The following KAZN variants were observed in gnomAD, a reference collection of about 807,000 sequenced individuals.
KAZN encodes kazrin.
Under a neutral mutation model 87.4 loss-of-function variants are expected in KAZN, and 40 were observed. The ratio of observed to expected loss-of-function variants is 0.46; its 90% confidence interval spans 0.36 to 0.60. KAZN has a LOEUF of 0.60. Among genes scored for constraint, KAZN ranks in the 20% least tolerant of loss-of-function variants. KAZN has a pLI of 0.00. For missense variants in KAZN, 898 were observed against 1,073.9 expected (o/e 0.84, Z 2.29); for synonymous variants, 466 against 458.3 (o/e 1.02, Z -0.22).
chr1:14,157,490 G>T (rs1043377036), intron 1 of KAZN, among the ~76,000 whole-genome samples: 3 of 152,136 alleles, frequency 2.0e-5, no homozygotes, highest in Non-Finnish European at 4.4e-5. Context: ...GGATATTTTT[G>T]CTGGATATAC....
chr1:14,688,164 C>A (rs1641068176), intron 1 of KAZN, among the ~76,000 whole-genome samples: 1 of 152,236 alleles, frequency 6.6e-6, no homozygotes, highest in Non-Finnish European at 1.5e-5. Flanking sequence ...AGCCTCTGGG[C>A]ACAACAGAGC....
chr1:14,459,451 T>C (rs1667745246), intron 2 of KAZN, among the ~76,000 whole-genome samples: 1 of 152,056 alleles, frequency 6.6e-6, no homozygotes, highest in African/African-American at 2.4e-5. Flanking sequence ...CCAATCAGAT[T>C]AACGTGGGGT....
At chr1:14,283,148 C>T (rs1267445141) in intron 2 of KAZN, among the ~76,000 whole-genome samples, 2 of 152,162 alleles carry the variant, frequency 1.3e-5, no homozygotes, top group African/African-American at 4.8e-5. Context: ...TTTCCACTTT[C>T]GCAGACTATT....
At chr1:14,715,551 G>A (rs563825048) in intron 1 of KAZN, among the ~76,000 whole-genome samples, 8 of 152,282 alleles carry the variant, frequency 5.3e-5, no homozygotes, top group Middle Eastern at 3.4e-3. Context: ...AACAGGCTGC[G>A]TGTGTAGCTT....
Position 15,114,524 on chromosome 1 carries a change from T to C in KAZN, c.2217T>C (p.His739=). ...RGFSSKDPDF[H]DDYGSLQNED... is the part of the protein sequence containing the mutation. ...TCAGCAGCAAAGATCCCGATTTCCA[T>C]GATGACTATGGCTCTCTTCAAAACG... The change falls in exon 15 of 15, where the codon CAT becomes CAC. Residue 739 remains histidine (H), a synonymous_variant. Transcript: ENST00000376030. 2 of 1,612,088 alleles carry C rather than the reference T, an allele frequency of 1.2e-6. No individual in the cohort carries two copies. Among genetic ancestry groups the C allele is most frequent in the Non-Finnish European group, 1.7e-6 (2 of 1,179,188 alleles).
intron 1 of KAZN, among the ~76,000 whole-genome samples, chr1:14,762,879 T>A (rs1644781671): frequency 2.7e-5 from 4 of 149,302 alleles, no homozygotes; most frequent in Admixed American, 6.6e-5. Context: ...ATAATAATAA[T>A]ACCTACTTCT....
chr1:14,226,555 A>G (rs1205118968), intron 2 of KAZN, among the ~76,000 whole-genome samples: 1 of 152,216 alleles, frequency 6.6e-6, no homozygotes, highest in Non-Finnish European at 1.5e-5. Context: ...TACTGGGTAT[A>G]CAGCCAAAGG....
At chr1:14,264,910 G>T (rs1651353928) in intron 2 of KAZN, among the ~76,000 whole-genome samples, 1 of 152,176 alleles carries the variant, frequency 6.6e-6, no homozygotes, top group African/African-American at 2.4e-5. Context: ...TGTAACCTTT[G>T]TTACATCTGC....
chr1:14,040,591 A>G (rs920057912), intron 1 of KAZN, among the ~76,000 whole-genome samples: 4 of 151,986 alleles, frequency 2.6e-5, no homozygotes, highest in African/African-American at 9.7e-5. Flanking sequence ...GTGAAACCCC[A>G]TCTCTACTAG....
chr1:14,052,524 AG>A (rs1281657204), intron 1 of KAZN, among the ~76,000 whole-genome samples: 1 of 150,760 alleles, frequency 6.6e-6, no homozygotes, highest in Non-Finnish European at 1.5e-5. Context: ...AAAGAAGGAC[AG>A]GGTGTGGGGT....
intron 2 of KAZN, among the ~76,000 whole-genome samples, chr1:14,570,785 C>T (rs1278385944): frequency 2.0e-5 from 3 of 152,146 alleles, no homozygotes; most frequent in Admixed American, 1.3e-4. Flanking sequence ...TTATGCTTAA[C>T]ATCTTGAGAA....
At chr1:14,905,066 T>G (rs917256500) in intron 1 of KAZN, among the ~76,000 whole-genome samples, 1 of 152,064 alleles carries the variant, frequency 6.6e-6, no homozygotes, top group Non-Finnish European at 1.5e-5. Context: ...CAGCCTTGTT[T>G]TTGTTTTTTT....
At chr1:14,577,652 T>A (rs1165795992) in intron 2 of KAZN, among the ~76,000 whole-genome samples, 7 of 152,206 alleles carry the variant, frequency 4.6e-5, no homozygotes, top group Non-Finnish European at 1.0e-4. Flanking sequence ...TGAACAAAGC[T>A]GGTTATAGTC....
At chr1:14,505,994 T>G (rs1670566255) in intron 2 of KAZN, among the ~76,000 whole-genome samples, 1 of 150,964 alleles carries the variant, frequency 6.6e-6, no homozygotes, top group Admixed American at 6.6e-5. Flanking sequence ...GTTCTGGAGG[T>G]GAATGGTGGT....
Position 14,530,119 on chromosome 1 carries a change from A to G in KAZN, c.250-68864A>G, listed in dbSNP as rs1267814664. Among the ~76,000 whole-genome samples the G allele has an allele frequency of 2.0e-5, 3 of 152,208 alleles. No individual in the cohort carries two copies. In the East Asian group the frequency reaches 5.8e-4, roughly 29 times the overall value. On this transcript the variant is annotated intron_variant, in intron 2 of 16. Coordinates refer to the KAZN transcript ENST00000636203. The stretch of plus-strand genomic sequence containing the variant: ...GGGGAAGCCAGTGATCCTGAACGGA[A>G]ACCAGCAAAAAGGCAGAGGACAGTA...
intron 2 of KAZN, among the ~76,000 whole-genome samples, chr1:14,375,436 A>G (rs2101030186): frequency 6.6e-6 from 1 of 152,284 alleles, no homozygotes. Flanking sequence ...TTAGAGCCAT[A>G]CCGTAGGAAT....
intron 2 of KAZN, among the ~76,000 whole-genome samples, chr1:14,241,231 C>G (rs1450235070): frequency 6.6e-6 from 1 of 152,202 alleles, no homozygotes. Flanking sequence ...TGAGAGGTCA[C>G]ACATCTAGGA....
In KAZN at chr1:14,528,287, G is replaced by A. The variant is rs1363451767; in HGVS notation, c.250-70696G>A. On this transcript the variant is annotated intron_variant, in intron 2 of 16. Transcript: ENST00000636203. The stretch of plus-strand genomic sequence containing the variant: ...TGAGAGGTGGAGGTTGCAGTGAGCC[G>A]AGATCATGCCACTGTACCCCAGCCT... Among the ~76,000 whole-genome samples, 6 of 124,862 alleles carry A rather than the reference G, an allele frequency of 4.8e-5. No individual in the cohort carries two copies. The East Asian group carries it at 7.3e-4, about 15-fold the overall frequency. 81.9% of individuals were successfully genotyped at this position (124,862 alleles called of 152,430 possible).
intron 1 of KAZN, among the ~76,000 whole-genome samples, chr1:14,920,826 C>T (rs1572833114): frequency 6.6e-6 from 1 of 152,104 alleles, no homozygotes; most frequent in African/African-American, 2.4e-5. Context: ...GGGACCTGCC[C>T]AAGCCACTCA....
Sources: gnomAD v4.1 joint callset for allele counts (sites outside exome capture counted in the v4.1 genomes callset) on GRCh38, gnomAD v4.1.1 for gene constraint, MANE v1.5 for transcripts, NCBI Gene and HGNC (gene_info 2026-07-23, HGNC 2026-07-21) for gene names.